Variants in TLE1 observed in about 807,000 individuals in gnomAD.
The protein encoded by TLE1 is TLE family member 1, transcriptional corepressor, also known as transducin-like enhancer protein 1.
TLE1 carries 21 observed loss-of-function variants against 89.8 expected under a neutral mutation model. The ratio of observed to expected loss-of-function variants is 0.23; its 90% CI spans 0.17 to 0.34. TLE1 has a LOEUF of 0.34. TLE1 is among the 10% of genes least tolerant of loss of function. The pLI is 1.00. For synonymous variants in TLE1, 447 were observed against 407.6 expected, an observed-to-expected ratio of 1.10 and a Z score of -1.16; for missense variants, 795 against 1,031.2, an observed-to-expected ratio of 0.77 and a Z score of 3.14.
intron 17 of TLE1, 138 bp from the exon 18 acceptor site, chr9:81,585,793 G>A: frequency 9.6e-7 from 1 of 1,037,380 alleles, no homozygotes; most frequent in Admixed American, 2.6e-5. Flanking sequence ...GGTCCACAGG[G>A]CAAGTGATCT....
chr9:81,665,773 C>G lies in TLE1; in HGVS notation c.235-11737G>C, dbSNP rs187292879. Among the ~76,000 whole-genome samples the G allele has an allele frequency of 3.9e-5, 6 of 152,106 alleles. No homozygotes were observed. In the East Asian group the frequency reaches 1.2e-3, roughly 29 times the overall value. ...CCCATCAAAGAATGACAAAGCAACT[C>G]TATTCATTGGTTCTCCTTCCTGCAA... On this transcript the variant is annotated intron_variant, in intron 4 of 19. Coordinates refer to ENST00000376499, the MANE Select transcript of TLE1 (RefSeq NM_005077.5).
chr9:81,620,860 G>C (rs1825149652), intron 8 of TLE1: 1 of 831,742 alleles, frequency 1.2e-6, no homozygotes, highest in Non-Finnish European at 1.8e-6. Context: ...GTATGTGGAT[G>C]TGTTTTTATT....
At chr9:81,671,653 A>T (rs953259901) in intron 4 of TLE1, among the ~76,000 whole-genome samples, 1 of 152,186 alleles carries the variant, frequency 6.6e-6, no homozygotes, top group Non-Finnish European at 1.5e-5. Flanking sequence ...TCAAAAAAAA[A>T]AAAGAAAAAA....
intron 14 of TLE1, among the ~76,000 whole-genome samples, chr9:81,600,763 A>T (rs1830808911): frequency 6.6e-6 from 1 of 152,086 alleles, no homozygotes; most frequent in East Asian, 1.9e-4. Flanking sequence ...CTGTTTCTAG[A>T]AGAGATTAGC....
intron 4 of TLE1, among the ~76,000 whole-genome samples, chr9:81,665,575 C>T (rs1474671715): frequency 6.6e-6 from 1 of 152,122 alleles, no homozygotes; most frequent in Non-Finnish European, 1.5e-5. Context: ...ACTAATTGCT[C>T]CCATTCTCTA....
chr9:81,615,880 C>T, intron 11 of TLE1, 102 bp downstream of exon 11: 2 of 1,445,778 alleles, frequency 1.4e-6, no homozygotes, highest in Non-Finnish European at 1.9e-6. Context: ...AAAATACAAC[C>T]CTCAAGCAGC....
intron 14 of TLE1, among the ~76,000 whole-genome samples, chr9:81,608,046 G>A (rs1291293964): frequency 1.3e-5 from 2 of 152,188 alleles, no homozygotes; most frequent in Non-Finnish European, 2.9e-5. Flanking sequence ...TCATGCTGGT[G>A]GTTTATTTGA....
chr9:81,668,443 T>C (rs1296642412), intron 4 of TLE1, among the ~76,000 whole-genome samples: 1 of 152,038 alleles, frequency 6.6e-6, no homozygotes, highest in Non-Finnish European at 1.5e-5. Flanking sequence ...GGTGTATGGA[T>C]TCACAGAATA....
chr9:81,586,478 T>C (rs1048502737), intron 17 of TLE1, among the ~76,000 whole-genome samples: 1 of 152,162 alleles, frequency 6.6e-6, no homozygotes, highest in African/African-American at 2.4e-5. Flanking sequence ...TCCAGATACA[T>C]CTAAACATTG....
intron 4 of TLE1, among the ~76,000 whole-genome samples, chr9:81,668,813 G>A (rs1396768747): frequency 2.0e-5 from 3 of 152,164 alleles, no homozygotes; most frequent in Non-Finnish European, 4.4e-5. Context: ...ATTAAATAAG[G>A]AGAGAGGAAC....
chr9:81,622,924 A>T (rs1825460564), intron 8 of TLE1, among the ~76,000 whole-genome samples: 1 of 152,086 alleles, frequency 6.6e-6, no homozygotes, highest in African/African-American at 2.4e-5. Flanking sequence ...CTTTCCACCT[A>T]AAGTCTACCC....
intron 4 of TLE1, among the ~76,000 whole-genome samples, chr9:81,658,313 T>A (rs1830383342): frequency 6.6e-6 from 1 of 152,152 alleles, no homozygotes; most frequent in Non-Finnish European, 1.5e-5. Context: ...CTGTACTATG[T>A]AAGTTGGGTT....
At chr9:81,592,771 G>A (rs1446462966) in intron 15 of TLE1, among the ~76,000 whole-genome samples, 1 of 152,150 alleles carries the variant, frequency 6.6e-6, no homozygotes, top group African/African-American at 2.4e-5. Flanking sequence ...CCATACATGA[G>A]GAGAGCCTCT....
chr9:81,661,541 T>C (rs545738591), intron 4 of TLE1, among the ~76,000 whole-genome samples: 2 of 152,180 alleles, frequency 1.3e-5, no homozygotes, highest in African/African-American at 4.8e-5. Flanking sequence ...CATAAAAAAA[T>C]GGTGCTTATG....
intron 11 of TLE1, 40 bp downstream of exon 11, chr9:81,615,942 T>C (rs1429047450): frequency 5.0e-6 from 8 of 1,609,964 alleles, no homozygotes; most frequent in South Asian, 1.1e-5. Context: ...CAATGAAAAA[T>C]ACACTGCCAA....
intron 6 of TLE1, among the ~76,000 whole-genome samples, chr9:81,650,999 C>A (rs966636901): frequency 6.6e-6 from 1 of 152,110 alleles, no homozygotes; most frequent in Non-Finnish European, 1.5e-5. Context: ...TTCTTTAATC[C>A]TCCTTGGCTC....
chr9:81,597,149 A>T (rs1472428248), intron 14 of TLE1, among the ~76,000 whole-genome samples: 1 of 152,140 alleles, frequency 6.6e-6, no homozygotes, highest in Non-Finnish European at 1.5e-5. Context: ...AGGAATAATA[A>T]TAAAACACAG....
At chr9:81,616,546 C>T in intron 10 of TLE1, 100 bp downstream of exon 10, 1 of 1,272,410 alleles carries the variant, frequency 7.9e-7, no homozygotes, top group Non-Finnish European at 1.1e-6. Flanking sequence ...CAAGAGGTCC[C>T]CCCACCGAGG....
At chr9:81,603,840 A>G (rs1587923760) in intron 14 of TLE1, among the ~76,000 whole-genome samples, 1 of 152,262 alleles carries the variant, frequency 6.6e-6, no homozygotes, top group South Asian at 2.1e-4. Flanking sequence ...TGTCTCTACT[A>G]AAAACACAAA....
Sources: gnomAD v4.1 joint callset for allele counts (sites outside exome capture counted in the v4.1 genomes callset) on GRCh38, gnomAD v4.1.1 for gene constraint, MANE v1.5 for transcripts, NCBI Gene and HGNC (gene_info 2026-07-23, HGNC 2026-07-21) for gene names.